Variants in LARP1 observed in about 807,000 individuals in gnomAD.
LARP1 encodes la-related protein 1.
Under a neutral mutation model 122.7 loss-of-function variants are expected in LARP1, and 36 were observed. That is an observed-to-expected ratio of 0.29 (90% CI 0.22 to 0.39). LARP1 has a LOEUF of 0.39. Ranked by LOEUF, LARP1 falls within the 10% of genes least tolerant of loss-of-function variation. The pLI is 1.00. For synonymous variants in LARP1, 539 were observed against 528.7 expected (o/e 1.02, Z -0.27); for missense variants, 1,040 against 1,403.6 (o/e 0.74, Z 4.14).
At chr5:154,737,142 G>C (rs960805187) in intron 1 of LARP1, among the ~76,000 whole-genome samples, 32 of 152,130 alleles carry the variant, frequency 2.1e-4, no homozygotes, top group African/African-American at 7.5e-4. Context: ...CCAGGTTCAA[G>C]TGATTTTCCT....
chr5:154,751,528 A>G (rs1356933146), upstream of LARP1, among the ~76,000 whole-genome samples: 1 of 152,172 alleles, frequency 6.6e-6, no homozygotes, highest in Non-Finnish European at 1.5e-5. Flanking sequence ...CTATTTGGTC[A>G]TTACTCCTGA....
chr5:154,756,722 C>A (rs1045590819), intron 1 of LARP1, among the ~76,000 whole-genome samples: 1 of 152,132 alleles, frequency 6.6e-6, no homozygotes, highest in African/African-American at 2.4e-5. Context: ...AAGTTTTGTT[C>A]TCGGGGAGAT....
At chr5:154,760,748 C>G (rs571354001) in intron 1 of LARP1, among the ~76,000 whole-genome samples, 1 of 152,334 alleles carries the variant, frequency 6.6e-6, no homozygotes, top group Admixed American at 6.5e-5. Context: ...GTGAGAAATT[C>G]TACAAGACAC....
At chr5:154,742,117 C>T (rs1752916707) in intron 1 of LARP1, among the ~76,000 whole-genome samples, 1 of 152,206 alleles carries the variant, frequency 6.6e-6, no homozygotes, top group Non-Finnish European at 1.5e-5. Context: ...GCAGCCCCAT[C>T]AACTTGCCAC....
At chr5:154,760,588 C>A (rs1400970591) in intron 1 of LARP1, among the ~76,000 whole-genome samples, 1 of 152,176 alleles carries the variant, frequency 6.6e-6, no homozygotes, top group African/African-American at 2.4e-5. Context: ...TGTCTGAAAG[C>A]ACACAGCACT....
At chr5:154,751,329 T>C (rs1753477117), upstream of LARP1, among the ~76,000 whole-genome samples, 1 of 152,222 alleles carries the variant, frequency 6.6e-6, no homozygotes, top group African/African-American at 2.4e-5. Flanking sequence ...TCCTTTGTAA[T>C]TTGAAGACAA....
intron 18 of LARP1, among the ~76,000 whole-genome samples, chr5:154,812,353 G>A (rs919825727): frequency 6.6e-6 from 1 of 152,148 alleles, no homozygotes; most frequent in Admixed American, 6.5e-5. Context: ...CTGAGACTGG[G>A]TAATTTATAA....
intron 1 of LARP1, among the ~76,000 whole-genome samples, chr5:154,765,619 C>A (rs971741983): frequency 6.6e-6 from 1 of 152,134 alleles, no homozygotes; most frequent in Non-Finnish European, 1.5e-5. Context: ...GTCTTAAACT[C>A]CTAGGCTCAA....
intron 1 of LARP1, among the ~76,000 whole-genome samples, chr5:154,722,830 A>G (rs1361545759): frequency 6.6e-6 from 1 of 152,040 alleles, no homozygotes; most frequent in Non-Finnish European, 1.5e-5. Context: ...ACAGGTGCGT[A>G]CCACCATGCC....
At position 154,803,812 on chromosome 5, in the gene LARP1, C is replaced by T; in HGVS notation, c.2439+67C>T. 6.8e-7 allele frequency: 1 copy of T among 1,469,168 alleles called. No homozygotes were observed. 91.0% of individuals were successfully genotyped at this position (1,469,168 alleles called of 1,614,324 possible). On this transcript the variant is annotated intron_variant, in intron 13 of 18. Transcript: ENST00000518297. The surrounding 1 kb of genome is among the most constrained non-coding windows in gnomAD (Gnocchi z 4.4). ...TTCATTGCATTCCAGTGCTTTGCTT[C>T]TCTCCCTTGCCTTGTCTGAGCTAAG...
upstream of LARP1, among the ~76,000 whole-genome samples, chr5:154,753,574 G>C (rs1254102837): frequency 1.3e-5 from 2 of 152,194 alleles, no homozygotes; most frequent in Non-Finnish European, 2.9e-5. Context: ...TAGCTCTTTT[G>C]ACGTACTGGC....
At chr5:154,811,668 C>T (rs1759286396) in intron 18 of LARP1, 28 bp downstream of exon 18, 2 of 1,613,440 alleles carry the variant, frequency 1.2e-6, no homozygotes, top group Non-Finnish European at 1.7e-6. Context: ...TCTAACTCTG[C>T]TTGTCCTGGA....
At chr5:154,764,309 C>CAAAAA (rs763026015) in intron 1 of LARP1, among the ~76,000 whole-genome samples, 2 of 112,752 alleles carry the variant, frequency 1.8e-5, no homozygotes, top group African/African-American at 6.5e-5. Flanking sequence ...GACTTCATCT[C>CAAAAA]AAAAAAAAAA....
chr5:154,685,799 C>T (rs1480822096), intron 1 of LARP1: 2 of 493,576 alleles, frequency 4.1e-6, no homozygotes, highest in Admixed American at 4.3e-5. Flanking sequence ...AGCGAGACCT[C>T]AACTCTACAA....
At chr5:154,744,342 T>C (rs561372453) in intron 1 of LARP1, among the ~76,000 whole-genome samples, 100 of 152,296 alleles carry the variant, frequency 6.6e-4, no homozygotes, top group African/African-American at 2.3e-3. Context: ...TCCTTTAGTC[T>C]CCTGAACTTG....
chr5:154,750,148 G>C (rs1753407976), intron 1 of LARP1, among the ~76,000 whole-genome samples: 1 of 152,228 alleles, frequency 6.6e-6, no homozygotes, highest in East Asian at 1.9e-4. Context: ...TCAGCACAAG[G>C]AGCAAACAAG....
At chr5:154,687,223 T>C (rs1408309541) in intron 1 of LARP1, among the ~76,000 whole-genome samples, 1 of 152,228 alleles carries the variant, frequency 6.6e-6, no homozygotes, top group Non-Finnish European at 1.5e-5. Context: ...TGCTTCTGTT[T>C]ATAAAAATAA....
rs1753795197 is a variant in LARP1, at chr5:154,755,620, G to A, written c.-138G>A. The A allele has an allele frequency of 2.0e-6, 2 of 987,300 alleles. No individual in the cohort carries two copies. Among genetic ancestry groups the A allele is most frequent in the Admixed American group, 6.1e-5 (1 of 16,268 alleles). The allele number at this position is 987,300 out of a possible 1,614,324, so 61.2% of individuals were successfully genotyped here. The stretch of plus-strand genomic sequence containing the variant: ...TAACTGGGAGGGGGCCGCACCTCGC[G>A]TGAACCCCGACCCTTCTCTGCAGGG... On this transcript the variant is annotated 5_prime_UTR_variant, in exon 1 of 19. It adds an upstream start codon to the 5' untranslated region. Coordinates refer to ENST00000518297, the MANE Select transcript of LARP1 (RefSeq NM_033551.3).
intron 1 of LARP1, among the ~76,000 whole-genome samples, chr5:154,759,763 G>C (rs1234586606): frequency 6.6e-6 from 1 of 151,920 alleles, no homozygotes; most frequent in African/African-American, 2.4e-5. Flanking sequence ...TGTACTTCAG[G>C]TACCCATACA....
Sources: allele counts gnomAD v4.1 joint callset (sites outside exome capture counted in the v4.1 genomes callset), GRCh38; gene constraint gnomAD v4.1.1; non-coding constraint Gnocchi (gnomAD v3.1); transcripts MANE v1.5; gene names NCBI Gene and HGNC (gene_info 2026-07-23, HGNC 2026-07-21).